Variants in XXYLT1 observed in about 807,000 individuals in gnomAD.
XXYLT1 encodes the protein xyloside xylosyltransferase 1.
XXYLT1 carries 20 observed loss-of-function variants against 28.9 expected under a neutral mutation model. The ratio of observed to expected loss-of-function variants is 0.69; its 90% CI spans 0.49 to 1.00. XXYLT1 has a LOEUF of 1.00. Ranked by LOEUF, XXYLT1 falls within the 50% of genes least tolerant of loss-of-function variation. The pLI is 0.00. For synonymous variants in XXYLT1, 257 were observed against 253.8 expected (o/e 1.01, Z -0.12); for missense variants, 542 against 560.1 (o/e 0.97, Z 0.33).
chr3:195,132,916 C>T (rs1718975324), intron 3 of XXYLT1, among the ~76,000 whole-genome samples: 1 of 152,204 alleles, frequency 6.6e-6, no homozygotes, highest in Non-Finnish European at 1.5e-5. Context: ...TTGCTTAATT[C>T]CATGCACAAT....
chr3:195,262,390 G>T (rs1418890008), intron 1 of XXYLT1, among the ~76,000 whole-genome samples: 2 of 152,184 alleles, frequency 1.3e-5, no homozygotes, highest in East Asian at 3.8e-4. Flanking sequence ...AAGTGTTCTA[G>T]AATCAGTGGT....
rs562803599 is a variant in XXYLT1 at position 195,076,702 on chromosome 3, C to T, written c.786-6591G>A. ...GCTAGGAGGGAGGGTCTGTTCCAGG[C>T]GCTCCCCTCGCTCCTGGTGGCTTGC... On this transcript the variant is annotated intron_variant, in intron 3 of 3. Coordinates refer to ENST00000310380, the MANE Select transcript of XXYLT1 (RefSeq NM_152531.5). The surrounding 1 kb of genome is among the most constrained non-coding windows in gnomAD (Gnocchi z 5.3). Among the ~76,000 whole-genome samples the T allele has an allele frequency of 7.9e-5, 12 of 152,214 alleles. No homozygotes were observed. The highest frequency in any genetic ancestry group is 1.2e-4 in the Non-Finnish European group (8 of 67,996).
At chr3:195,146,060 C>T (rs58948928) in intron 3 of XXYLT1, among the ~76,000 whole-genome samples, 3 of 152,138 alleles carry the variant, frequency 2.0e-5, no homozygotes, top group Admixed American at 6.5e-5. Context: ...TCTGCTGCTA[C>T]CCTGGAAGCA....
At chr3:195,156,173 T>G (rs952745814) in intron 3 of XXYLT1, among the ~76,000 whole-genome samples, 2 of 152,176 alleles carry the variant, frequency 1.3e-5, no homozygotes, top group African/African-American at 2.4e-5. Flanking sequence ...ATTTTAAAAT[T>G]CTGAGCTTAA....
intron 3 of XXYLT1, among the ~76,000 whole-genome samples, chr3:195,120,285 C>CCG (rs377002925): frequency 0.01 from 311 of 29,682 alleles, 9 homozygotes; most frequent in African/African-American, 0.031. Flanking sequence ...TGCTCAGATG[C>CCG]CCCCCCCGCC....
Position 195,143,853 on chromosome 3 carries a change from TAGATATATATAGATATAG to T in XXYLT1, c.785+12578_785+12595del, listed in dbSNP as rs1264193255. Among the ~76,000 whole-genome samples the T allele has an allele frequency of 9.0e-3, 996 of 110,678 alleles. 56 individuals are homozygous for T. Among genetic ancestry groups the T allele is most frequent in the East Asian group, 0.028 (57 of 2,054 alleles). 72.6% of individuals were successfully genotyped at this position (110,678 alleles called of 152,430 possible). A position where few individuals can be genotyped will look rare whatever the true frequency, so the allele number is the denominator to read the frequency against. Reference sequence around the variant, plus strand: ...ATAGATATAGATATAGATATATATATAGATATATATAGATATAGATATATATATATATATATTTATTTT... The same window carrying T: ...ATAGATATAGATATAGATATATATATATATATATATATATATATTTATTTT... On this transcript the variant is annotated intron_variant, in intron 3 of 3. Transcript: ENST00000310380.
At chr3:195,111,968 G>C (rs1717742577) in intron 3 of XXYLT1, among the ~76,000 whole-genome samples, 1 of 152,188 alleles carries the variant, frequency 6.6e-6, no homozygotes. Flanking sequence ...TGAACATCCT[G>C]ATTGCCTGTA....
rs531581552 is a variant in XXYLT1 at position 195,077,243 on chromosome 3, C to T, written c.786-7132G>A. 4.6e-4 allele frequency among the ~76,000 whole-genome samples: 70 copies of T among 152,192 alleles called. No homozygotes were observed. The highest frequency in any genetic ancestry group is 1.6e-3 in the African/African-American group (67 of 41,526). Reference sequence around the variant, plus strand: ...GAGGGATGGGAGATGATGTAGGGGGCGGCACGGGGACCCCAGCAGAGAGAT... The same window carrying T: ...GAGGGATGGGAGATGATGTAGGGGGTGGCACGGGGACCCCAGCAGAGAGAT... On this transcript the variant is annotated intron_variant, in intron 3 of 3. Transcript: ENST00000310380. The surrounding 1 kb of genome is among the most constrained non-coding windows in gnomAD (Gnocchi z 4.8).
intron 1 of XXYLT1, among the ~76,000 whole-genome samples, chr3:195,269,280 T>C (rs968042742): frequency 6.6e-6 from 1 of 152,136 alleles, no homozygotes; most frequent in African/African-American, 2.4e-5. Flanking sequence ...CGTGAACTAG[T>C]GCAAAGTTTC....
intron 2 of XXYLT1, among the ~76,000 whole-genome samples, chr3:195,186,225 T>C (rs1184142237): frequency 6.6e-6 from 1 of 152,246 alleles, no homozygotes; most frequent in African/African-American, 2.4e-5. Context: ...AGCTTCACTG[T>C]GCTCTCCAGG....
chr3:195,119,192 G>A lies in XXYLT1; in HGVS notation c.785+37257C>T, dbSNP rs1200111392. 1.5e-4 allele frequency among the ~76,000 whole-genome samples: 22 copies of A among 151,322 alleles called. 1 individual carries two copies. Among genetic ancestry groups the A allele is most frequent in the Non-Finnish European group, 4.4e-5 (3 of 67,904 alleles). On this transcript the variant is annotated intron_variant, in intron 3 of 3. Transcript: ENST00000310380. ...CCAGCTACTCGGGAGGCTAGGGCAG[G>A]AGAATCACTTGAACCTGGGAGGTGG...
At chr3:195,230,638 T>A (rs1440310912) in intron 1 of XXYLT1, among the ~76,000 whole-genome samples, 1 of 152,220 alleles carries the variant, frequency 6.6e-6, no homozygotes, top group Non-Finnish European at 1.5e-5. Flanking sequence ...AAAGAGATTG[T>A]CCTTTCCCCA....
intron 3 of XXYLT1, among the ~76,000 whole-genome samples, chr3:195,113,856 CG>C (rs1717908115): frequency 6.6e-6 from 1 of 152,054 alleles, no homozygotes; most frequent in African/African-American, 2.4e-5. Flanking sequence ...CTGAGGCCGG[CG>C]GGCAAAGAAT....
chr3:195,153,193 T>C (rs1720371933), intron 3 of XXYLT1, among the ~76,000 whole-genome samples: 2 of 152,302 alleles, frequency 1.3e-5, no homozygotes, highest in Non-Finnish European at 2.9e-5. Context: ...GCCAGCCAGG[T>C]GAACACTCCA....
rs74352252 is a variant in XXYLT1, at chr3:195,069,181, C to T, written c.*534G>A. ...CGTGAGCATCAGGAGAATGCGCGTG[C>T]AGCAGCCTCCCAGGGTGAGTATGTG... On this transcript the variant is annotated 3_prime_UTR_variant, in exon 4 of 4. Coordinates refer to ENST00000310380, the MANE Select transcript of XXYLT1 (RefSeq NM_152531.5). The T allele has an allele frequency of 4.7e-3, 725 of 153,976 alleles. 4 individuals are homozygous for T. Among genetic ancestry groups the T allele is most frequent in the South Asian group, 0.021 (105 of 4,904 alleles). 9.5% of individuals were successfully genotyped at this position (153,976 alleles called of 1,614,324 possible).
intron 2 of XXYLT1, among the ~76,000 whole-genome samples, chr3:195,208,060 A>C (rs1241071368): frequency 1.3e-5 from 2 of 152,238 alleles, no homozygotes; most frequent in Non-Finnish European, 2.9e-5. Context: ...CACTAGAAGC[A>C]TGTCAATAAG....
rs144799273 is a variant in XXYLT1, at chr3:195,225,869, C to T, written c.652+840G>A. Among the ~76,000 whole-genome samples the T allele has an allele frequency of 7.8e-3, 1,194 of 152,200 alleles. 17 individuals carry two copies. The highest frequency in any genetic ancestry group is 0.028 in the African/African-American group (1,157 of 41,510). On this transcript the variant is annotated intron_variant, in intron 2 of 3. Coordinates refer to ENST00000310380, the MANE Select transcript of XXYLT1 (RefSeq NM_152531.5). ...TTTCCTTGGCACTTCTCCTTGGTGT[C>T]GGCATGTGAAGAAGGACGTATTTGC... is the stretch of plus-strand genomic sequence containing the variant.
intron 3 of XXYLT1, among the ~76,000 whole-genome samples, chr3:195,070,859 T>C (rs1319798739): frequency 6.7e-6 from 1 of 149,188 alleles, no homozygotes; most frequent in East Asian, 2.1e-4. Flanking sequence ...GGATGATGTC[T>C]ACTTTAGAAG....
intron 3 of XXYLT1, among the ~76,000 whole-genome samples, chr3:195,147,222 G>T (rs971886984): frequency 6.6e-6 from 1 of 152,100 alleles, no homozygotes; most frequent in African/African-American, 2.4e-5. Flanking sequence ...CTTCTACTTC[G>T]TAATTCCTCA....
Sources: allele counts gnomAD v4.1 joint callset (sites outside exome capture counted in the v4.1 genomes callset), GRCh38; gene constraint gnomAD v4.1.1; non-coding constraint Gnocchi (gnomAD v3.1); transcripts MANE v1.5; gene names NCBI Gene and HGNC (gene_info 2026-07-23, HGNC 2026-07-21).